The following PDE4A variants were observed in gnomAD, a reference collection of about 807,000 sequenced individuals.
PDE4A encodes the protein phosphodiesterase 4A, also known as 3',5'-cyclic-AMP phosphodiesterase 4A.
In PDE4A, 21 loss-of-function variants were observed where a neutral mutation model predicts 73.9. The observed-to-expected ratio is 0.28, with a 90% CI of 0.20 to 0.41. The LOEUF is 0.41. PDE4A is among the 10% of genes least tolerant of loss of function. The pLI is 1.00. For synonymous variants in PDE4A, 463 were observed against 505.4 expected (o/e 0.92, Z 1.13); for missense variants, 958 against 1,211.4 (o/e 0.79, Z 3.10).
chr19:10,422,361 T>A (rs1226188261), intron 1 of PDE4A, among the ~76,000 whole-genome samples: 2 of 152,130 alleles, frequency 1.3e-5, no homozygotes, highest in Non-Finnish European at 2.9e-5. Context: ...TGACATGTGG[T>A]CTGTGTTCCC....
chr19:10,449,379 A>T (rs1051621727), intron 4 of PDE4A, among the ~76,000 whole-genome samples: 2 of 151,634 alleles, frequency 1.3e-5, no homozygotes, highest in African/African-American at 4.8e-5. Flanking sequence ...GTTTGTTTTG[A>T]GATCAAGTCT....
Position 10,449,166 on chromosome 19 carries a change from G to A in PDE4A, c.620+16G>A, listed in dbSNP as rs1200472742. The A allele has an allele frequency of 1.2e-6, 2 of 1,611,784 alleles. No individual in the cohort carries two copies. The highest frequency in any genetic ancestry group is 1.7e-6 in the Non-Finnish European group (2 of 1,179,068). On this transcript the variant is annotated intron_variant, in intron 4 of 14. Coordinates refer to ENST00000380702, the MANE Select transcript of PDE4A (RefSeq NM_001111307.2). ...CCAGTAACAAGTAAGTGAAGGCTGG[G>A]CTGCAACAGCTGTGATCATAAGGTG...
At chr19:10,440,037 T>C (rs1028422354) in intron 1 of PDE4A, among the ~76,000 whole-genome samples, 17 of 139,224 alleles carry the variant, frequency 1.2e-4, no homozygotes, top group African/African-American at 4.4e-4. Flanking sequence ...CAGGCTGGAG[T>C]GCAGTGGCGT....
chr19:10,439,514 C>G (rs2042909180), intron 1 of PDE4A, among the ~76,000 whole-genome samples: 1 of 152,098 alleles, frequency 6.6e-6, no homozygotes, highest in African/African-American at 2.4e-5. Context: ...TACAGTGGTT[C>G]TCTCAACAGC....
At chr19:10,427,805 A>C in intron 1 of PDE4A, 1 of 985,146 alleles carries the variant, frequency 1.0e-6, no homozygotes, top group Non-Finnish European at 1.2e-6. Flanking sequence ...AATTCAGGGA[A>C]GCTAAGGGCA....
Position 10,453,042 on chromosome 19 carries a change from GC to G in PDE4A, c.784-1784del. On this transcript the variant is annotated intron_variant, in intron 6 of 14. Coordinates refer to ENST00000380702, the MANE Select transcript of PDE4A (RefSeq NM_001111307.2). The surrounding 1 kb of genome is among the most constrained non-coding windows in gnomAD (Gnocchi z 4.6). The stretch of plus-strand genomic sequence containing the variant: ...CGCCTCCACCCACTGCCGCGGGGGG[GC>G]CCGTTGGGGCCCAGGGCTGGCGGGC... The G allele has an allele frequency of 7.5e-7, 1 of 1,339,990 alleles. No individual in the cohort carries two copies. The highest frequency in any genetic ancestry group is 9.5e-7 in the Non-Finnish European group (1 of 1,047,312). The allele number at this position is 1,339,990 out of a possible 1,614,324, so 83.0% of individuals were successfully genotyped here. A position where few individuals can be genotyped will look rare whatever the true frequency, so the allele number is the denominator to read the frequency against.
Position 10,465,642 on chromosome 19 carries a change from A to G in PDE4A, c.1927-1245A>G, listed in dbSNP as rs142077563. ...ATTTTATACACTTTATAACGTAGTT[A>G]TGTTCATAGGCAACTTCATAGCAAT... On this transcript the variant is annotated intron_variant, in intron 14 of 14. Transcript: ENST00000380702. Among the ~76,000 whole-genome samples, 822 of 120,432 alleles carry G rather than the reference A, an allele frequency of 6.8e-3. 12 individuals carry two copies. Among genetic ancestry groups the G allele is most frequent in the African/African-American group, 0.023 (776 of 33,048 alleles). 79.0% of individuals were successfully genotyped at this position (120,432 alleles called of 152,430 possible). A position where few individuals can be genotyped will look rare whatever the true frequency, so the allele number is the denominator to read the frequency against.
chr19:10,445,206 A>G (rs1319672931), intron 1 of PDE4A, among the ~76,000 whole-genome samples: 1 of 152,172 alleles, frequency 6.6e-6, no homozygotes, highest in Non-Finnish European at 1.5e-5. Flanking sequence ...GGGGTTGAAA[A>G]CAGGAGGTGG....
intron 4 of PDE4A, among the ~76,000 whole-genome samples, chr19:10,449,540 A>T (rs2043061516): frequency 6.6e-6 from 1 of 151,866 alleles, no homozygotes; most frequent in Admixed American, 6.6e-5. Flanking sequence ...TTGTATTTTT[A>T]GTAGAGATGG....
At chr19:10,417,329 T>A (rs137909422), upstream of PDE4A, 192 of 985,086 alleles carry the variant, frequency 1.9e-4, no homozygotes, top group African/African-American at 3.1e-3. Flanking sequence ...AGAGGGGCCC[T>A]CTTAGACGTG....
At chr19:10,427,401 T>C in intron 1 of PDE4A, 3 of 737,890 alleles carry the variant, frequency 4.1e-6, no homozygotes, top group Non-Finnish European at 5.0e-6. Flanking sequence ...GGAGTGTGTC[T>C]GATACGTTGG....
At chr19:10,432,225 G>T (rs895567246) in intron 1 of PDE4A, among the ~76,000 whole-genome samples, 2 of 151,032 alleles carry the variant, frequency 1.3e-5, no homozygotes, top group Admixed American at 1.3e-4. Context: ...ACCCCTGCAG[G>T]GGGAGGCAGA....
At chr19:10,455,755 T>C (rs2043160369) in intron 7 of PDE4A, among the ~76,000 whole-genome samples, 2 of 139,610 alleles carry the variant, frequency 1.4e-5, no homozygotes, top group South Asian at 4.6e-4. Flanking sequence ...AGAGTGAGAC[T>C]CTGTCTCAAA....
At chr19:10,419,121 G>A (rs1313546258), upstream of PDE4A, 10 of 964,120 alleles carry the variant, frequency 1.0e-5, no homozygotes, top group African/African-American at 1.9e-4. Context: ...GGTGGCAAAC[G>A]GCATCGCGTG....
intron 10 of PDE4A, 156 bp from the exon 11 acceptor site, chr19:10,460,848 C>A: frequency 4.6e-6 from 1 of 218,736 alleles, no homozygotes; most frequent in Non-Finnish European, 7.7e-6. Flanking sequence ...CAGGGCCTTG[C>A]TATGTTGCCC....
Position 10,468,606 on chromosome 19 carries a change from C to T in PDE4A, c.*985C>T, listed in dbSNP as rs1445862388. ...CCTTGGATGAGGCAGGGCCAGGCGC[C>T]CAGAACCCCCATCCTGGCCGCACCC... On this transcript the variant is annotated 3_prime_UTR_variant, in exon 15 of 15. Coordinates refer to ENST00000380702, the MANE Select transcript of PDE4A (RefSeq NM_001111307.2). 1 of 151,912 alleles carries T rather than the reference C, an allele frequency of 6.6e-6. No homozygotes were observed. The highest frequency in any genetic ancestry group is 1.5e-5 in the Non-Finnish European group (1 of 67,940). 9.4% of individuals were successfully genotyped at this position (151,912 alleles called of 1,614,324 possible). A position where few individuals can be genotyped will look rare whatever the true frequency, so the allele number is the denominator to read the frequency against.
chr19:10,423,701 A>AGGGACCTGGACTAAGGAGGG (rs2042679976), intron 1 of PDE4A, among the ~76,000 whole-genome samples: 1 of 152,204 alleles, frequency 6.6e-6, no homozygotes, highest in Admixed American at 6.5e-5. Flanking sequence ...ATCTCCATTC[A>AGGGACCTGGACTAAGGAGGG]GGGACCTGGA....
chr19:10,446,761 A>ATTT (rs1207498709), intron 2 of PDE4A, among the ~76,000 whole-genome samples: 3 of 151,394 alleles, frequency 2.0e-5, no homozygotes, highest in East Asian at 2.0e-4. Context: ...TGCCTGGCTA[A>ATTT]TTGTGTATTT....
At chr19:10,430,794 G>A (rs2042777284) in intron 1 of PDE4A, 7 of 730,072 alleles carry the variant, frequency 9.6e-6, no homozygotes, top group Non-Finnish European at 1.2e-5. Flanking sequence ...GCCTGGCGGG[G>A]TGGGCGGCGC....
Sources: allele counts gnomAD v4.1 joint callset (sites outside exome capture counted in the v4.1 genomes callset), GRCh38; gene constraint gnomAD v4.1.1; non-coding constraint Gnocchi (gnomAD v3.1); transcripts MANE v1.5; gene names NCBI Gene and HGNC (gene_info 2026-07-23, HGNC 2026-07-21).